SORCS3: variants seen among roughly 807,000 people sequenced by gnomAD.
SORCS3 encodes the protein VPS10 domain-containing receptor SorCS3.
In SORCS3, 57 loss-of-function variants were observed where a neutral mutation model predicts 146.3. That is an observed-to-expected ratio of 0.39 (90% CI 0.31 to 0.49). SORCS3 has a LOEUF of 0.49. Ranked by LOEUF, SORCS3 falls within the 20% of genes least tolerant of loss-of-function variation. The pLI is 0.92. For synonymous variants in SORCS3, 653 were observed against 618.5 expected (o/e 1.06, Z -0.83); for missense variants, 1,341 against 1,575.5 (o/e 0.85, Z 2.52).
At chr10:104,884,270 C>T (rs953107439) in intron 2 of SORCS3, among the ~76,000 whole-genome samples, 1 of 152,206 alleles carries the variant, frequency 6.6e-6, no homozygotes, top group Admixed American at 6.5e-5. Flanking sequence ...GCTTTTGTCA[C>T]TCAGTTCACT....
intron 2 of SORCS3, among the ~76,000 whole-genome samples, chr10:104,905,022 T>C (rs2018890716): frequency 6.6e-6 from 1 of 152,206 alleles, no homozygotes; most frequent in Non-Finnish European, 1.5e-5. Flanking sequence ...ATCCGACTTC[T>C]AGCTAATTGC....
intron 1 of SORCS3, among the ~76,000 whole-genome samples, chr10:104,778,690 C>T (rs890024959): frequency 7.2e-5 from 11 of 152,166 alleles, no homozygotes; most frequent in African/African-American, 2.4e-4. Flanking sequence ...TCCCAGGCAC[C>T]GTGTTAAATG....
At chr10:104,783,155 C>T (rs1259970040) in intron 1 of SORCS3, among the ~76,000 whole-genome samples, 1 of 152,168 alleles carries the variant, frequency 6.6e-6, no homozygotes, top group East Asian at 1.9e-4. Flanking sequence ...ATATCCTTGA[C>T]CATCCTAATG....
chr10:104,831,241 C>G (rs1475668865), intron 1 of SORCS3, among the ~76,000 whole-genome samples: 2 of 152,118 alleles, frequency 1.3e-5, no homozygotes, highest in Non-Finnish European at 2.9e-5. Context: ...CTTTGTAGAC[C>G]TATTACAATC....
At chr10:104,841,196 T>C (rs977009642) in intron 1 of SORCS3, among the ~76,000 whole-genome samples, 4 of 152,204 alleles carry the variant, frequency 2.6e-5, no homozygotes, top group African/African-American at 4.8e-5. Context: ...AAACTAGTTA[T>C]GAATGGGAGG....
intron 5 of SORCS3, among the ~76,000 whole-genome samples, chr10:105,067,541 C>T (rs1418071423): frequency 6.6e-6 from 1 of 152,160 alleles, no homozygotes; most frequent in Non-Finnish European, 1.5e-5. Flanking sequence ...AAATAATAAA[C>T]CTCAATTTTT....
At chr10:105,139,369 A>G in intron 7 of SORCS3, 28 bp from the exon 8 acceptor site, 2 of 1,567,308 alleles carry the variant, frequency 1.3e-6, no homozygotes, top group South Asian at 1.1e-5. Flanking sequence ...GCCTCATCTG[A>G]TCTCTTTGTG....
At chr10:105,208,207 G>A (rs1370587567) in intron 16 of SORCS3, among the ~76,000 whole-genome samples, 2 of 152,130 alleles carry the variant, frequency 1.3e-5, no homozygotes, top group Admixed American at 6.5e-5. Flanking sequence ...CGGGCATAGT[G>A]GTGGGTGCCT....
chr10:105,228,959 T>A (rs963135476), intron 20 of SORCS3, among the ~76,000 whole-genome samples: 1 of 152,244 alleles, frequency 6.6e-6, no homozygotes, highest in Non-Finnish European at 1.5e-5. Flanking sequence ...TTTCATTTTC[T>A]TTTTATCTTC....
At chr10:104,766,661 G>A (rs1441560185) in intron 1 of SORCS3, among the ~76,000 whole-genome samples, 1 of 152,188 alleles carries the variant, frequency 6.6e-6, no homozygotes, top group African/African-American at 2.4e-5. Context: ...CATTCACATT[G>A]ACTTTCTGTT....
chr10:105,148,523 G>A (rs1273033203), intron 9 of SORCS3, among the ~76,000 whole-genome samples: 1 of 152,116 alleles, frequency 6.6e-6, no homozygotes, highest in Non-Finnish European at 1.5e-5. Flanking sequence ...ACCCAGTGAA[G>A]GAACTTGACT....
Position 105,050,881 on chromosome 10 carries a change from C to T in SORCS3, c.1028+7753C>T, listed in dbSNP as rs150394646. 7.9e-4 allele frequency among the ~76,000 whole-genome samples: 121 copies of T among 152,254 alleles called. 4 individuals are homozygous for T. In the East Asian group the frequency reaches 0.019, roughly 24 times the overall value. On this transcript the variant is annotated intron_variant, in intron 5 of 26. Coordinates refer to ENST00000369701, the MANE Select transcript of SORCS3 (RefSeq NM_014978.3). ...TGTCTTGGACTACTTCCTCTGTTTT[C>T]TCTTCATTGTTATCAACTTTAGATA...
intron 1 of SORCS3, among the ~76,000 whole-genome samples, chr10:104,711,532 G>A (rs929842008): frequency 2.0e-4 from 30 of 152,232 alleles, no homozygotes; most frequent in African/African-American, 7.2e-4. Context: ...GTAAGGCTGT[G>A]TTTTAAGGGC....
chr10:105,174,063 G>A (rs945839227), intron 13 of SORCS3, among the ~76,000 whole-genome samples: 10 of 152,094 alleles, frequency 6.6e-5, no homozygotes, highest in African/African-American at 1.4e-4. Context: ...AGTAAGTTCC[G>A]TGGAAGCTAG....
At chr10:104,653,093 A>G (rs952849806) in intron 1 of SORCS3, among the ~76,000 whole-genome samples, 4 of 152,244 alleles carry the variant, frequency 2.6e-5, no homozygotes, top group African/African-American at 7.2e-5. Context: ...ACAATAAGAA[A>G]TAGATGCTAT....
At chr10:104,984,965 A>C (rs893075231) in intron 4 of SORCS3, among the ~76,000 whole-genome samples, 1 of 152,180 alleles carries the variant, frequency 6.6e-6, no homozygotes, top group South Asian at 2.1e-4. Context: ...GGAGGATCTT[A>C]CCTTGTTATA....
chr10:104,991,663 A>C (rs1005579051), intron 4 of SORCS3, among the ~76,000 whole-genome samples: 1 of 151,668 alleles, frequency 6.6e-6, no homozygotes, highest in African/African-American at 2.4e-5. Context: ...CACCATACCC[A>C]GCTAATTTTG....
At chr10:105,050,920 A>G (rs2055406234) in intron 5 of SORCS3, among the ~76,000 whole-genome samples, 1 of 151,870 alleles carries the variant, frequency 6.6e-6, no homozygotes, top group Non-Finnish European at 1.5e-5. Context: ...CATTTTGCCC[A>G]TTGTTTGGGT....
intron 4 of SORCS3, among the ~76,000 whole-genome samples, chr10:105,009,814 C>T (rs2055122247): frequency 6.6e-6 from 1 of 151,632 alleles, no homozygotes; most frequent in Admixed American, 6.6e-5. Context: ...TACAACAGGG[C>T]CCTGGCTGGG....
Sources: allele counts gnomAD v4.1 joint callset (sites outside exome capture counted in the v4.1 genomes callset), GRCh38; gene constraint gnomAD v4.1.1; transcripts MANE v1.5; gene names NCBI Gene and HGNC (gene_info 2026-07-23, HGNC 2026-07-21).